The following CDH4 variants were observed in gnomAD, a reference collection of about 807,000 sequenced individuals.
CDH4 encodes the protein cadherin-4.
Under a neutral mutation model 86.0 loss-of-function variants are expected in CDH4, and 33 were observed. That is an observed-to-expected ratio of 0.38 (90% confidence interval 0.29 to 0.51). The LOEUF (loss-of-function observed/expected upper bound fraction) is 0.51, where lower values mean the gene tolerates loss of function less well. Among genes scored for constraint, CDH4 ranks in the 20% least tolerant of loss-of-function variants. The pLI, the probability that CDH4 is intolerant of heterozygous loss-of-function variation, is 0.86. For synonymous variants in CDH4, 555 were observed against 549.4 expected (o/e 1.01, Z -0.14); for missense variants, 1,114 against 1,307.4 (o/e 0.85, Z 2.28).
At chr20:61,731,754 G>A (rs538360520) in intron 2 of CDH4, among the ~76,000 whole-genome samples, 1 of 152,294 alleles carries the variant, frequency 6.6e-6, no homozygotes, top group East Asian at 1.9e-4. Context: ...GTGGCTCGTG[G>A]GGTAGAAGGT....
intron 2 of CDH4, among the ~76,000 whole-genome samples, chr20:61,263,506 G>C (rs886533939): frequency 6.6e-6 from 1 of 152,208 alleles, no homozygotes; most frequent in Non-Finnish European, 1.5e-5. Context: ...ATTTAACGCT[G>C]TCAGGAGACC....
intron 2 of CDH4, among the ~76,000 whole-genome samples, chr20:61,397,960 C>G (rs1448924759): frequency 6.6e-6 from 1 of 152,200 alleles, no homozygotes; most frequent in South Asian, 2.1e-4. Context: ...TTGGCCTGAC[C>G]TGCCCGATGG....
chr20:61,928,616 C>T (rs1240715244), intron 12 of CDH4, among the ~76,000 whole-genome samples, 193 bp downstream of exon 12: 1 of 152,232 alleles, frequency 6.6e-6, no homozygotes, highest in Non-Finnish European at 1.5e-5. Flanking sequence ...AGGAGGCCAC[C>T]AAGTCATTCC....
intron 2 of CDH4, among the ~76,000 whole-genome samples, chr20:61,697,873 C>T (rs1487835172): frequency 6.6e-6 from 1 of 152,238 alleles, no homozygotes; most frequent in Admixed American, 6.5e-5. Flanking sequence ...CTACCCATTC[C>T]CACACCCGGG....
At chr20:61,284,129 A>C (rs1487547528) in intron 2 of CDH4, among the ~76,000 whole-genome samples, 46 of 142,982 alleles carry the variant, frequency 3.2e-4, no homozygotes, top group East Asian at 6.3e-4. Context: ...CACGGTGAAA[A>C]CCCATCTCTA....
chr20:61,694,724 C>A (rs1359966998), intron 2 of CDH4, among the ~76,000 whole-genome samples: 4 of 152,162 alleles, frequency 2.6e-5, no homozygotes, highest in Admixed American at 2.6e-4. Context: ...GATTTCCAGT[C>A]TCCTGCGTGC....
intron 15 of CDH4, among the ~76,000 whole-genome samples, chr20:61,936,154 C>T (rs1382984298): frequency 6.6e-6 from 1 of 151,936 alleles, no homozygotes; most frequent in African/African-American, 2.4e-5. Context: ...ACCCTAGGTC[C>T]ACTTTCCCTC....
chr20:61,556,444 G>A (rs887990595), intron 2 of CDH4, among the ~76,000 whole-genome samples: 3 of 152,158 alleles, frequency 2.0e-5, no homozygotes, highest in Non-Finnish European at 4.4e-5. Flanking sequence ...GTATATCTGG[G>A]TGTTCTGCAC....
intron 2 of CDH4, among the ~76,000 whole-genome samples, chr20:61,405,901 C>T (rs912204952): frequency 3.3e-5 from 5 of 152,202 alleles, no homozygotes; most frequent in Non-Finnish European, 7.4e-5. Flanking sequence ...AAGATGGTCT[C>T]GATCTCCTGA....
Position 61,417,594 on chromosome 20 carries a change from C to A in CDH4, c.169+162657C>A, listed in dbSNP as rs562027865. Among the ~76,000 whole-genome samples the A allele has an allele frequency of 6.6e-6, 1 of 152,336 alleles. No homozygotes were observed. The highest frequency in any genetic ancestry group is 1.5e-5 in the Non-Finnish European group (1 of 68,038). On this transcript the variant is annotated intron_variant, in intron 2 of 15. Coordinates refer to ENST00000614565, the MANE Select transcript of CDH4 (RefSeq NM_001794.5). The surrounding 1 kb of genome is among the most constrained non-coding windows in gnomAD (Gnocchi z 4.0). ...CCTGGCCCTGTTTCTGGCTGGAATG[C>A]ATTTCTGTATCGCTATCTAGCAGGG...
chr20:61,651,808 G>A (rs551636549), intron 2 of CDH4, among the ~76,000 whole-genome samples: 1 of 152,276 alleles, frequency 6.6e-6, no homozygotes, highest in South Asian at 2.1e-4. Flanking sequence ...AAACACAATT[G>A]TTTAAAAAAT....
At chr20:61,268,940 G>A (rs1038350332) in intron 2 of CDH4, among the ~76,000 whole-genome samples, 4 of 152,218 alleles carry the variant, frequency 2.6e-5, no homozygotes, top group South Asian at 2.1e-4. Flanking sequence ...GGCTCTGGAC[G>A]ATTTGTGGGT....
chr20:61,831,653 C>T (rs1451312897), intron 4 of CDH4, among the ~76,000 whole-genome samples: 4 of 152,248 alleles, frequency 2.6e-5, no homozygotes, highest in African/African-American at 9.6e-5. Context: ...CACAGTGCAG[C>T]CTCCTCCCCC....
intron 2 of CDH4, among the ~76,000 whole-genome samples, chr20:61,314,543 A>G (rs1302949560): frequency 6.6e-6 from 1 of 152,212 alleles, no homozygotes; most frequent in Admixed American, 6.5e-5. Flanking sequence ...GGTGGATTCC[A>G]TATCTCAGCT....
At position 61,565,260 on chromosome 20, in the gene CDH4, GTGGTGGTGGTCCTCTT is replaced by G. The variant is rs1388756512; in HGVS notation, c.170-178302_170-178287del. ...GGTGGTGGCGGTGCTCTTGGTGATG[GTGGTGGTGGTCCTCTT>G]GGTGATGGGGTGATGGTGGTGGCGG... On this transcript the variant is annotated intron_variant, in intron 2 of 15. Transcript: ENST00000614565. 5.9e-4 allele frequency among the ~76,000 whole-genome samples: 60 copies of G among 101,790 alleles called. 6 individuals are homozygous for G. The highest frequency in any genetic ancestry group is 9.9e-4 in the Non-Finnish European group (46 of 46,698). The allele number at this position is 101,790 out of a possible 152,430, so 66.8% of individuals were successfully genotyped here.
intron 4 of CDH4, among the ~76,000 whole-genome samples, chr20:61,842,842 C>T (rs1315557608): frequency 1.3e-5 from 2 of 152,116 alleles, no homozygotes; most frequent in African/African-American, 4.8e-5. Context: ...GCTGTAATTC[C>T]ATTTTGATTA....
chr20:61,760,776 T>C (rs1280686436), intron 3 of CDH4, among the ~76,000 whole-genome samples: 1 of 152,176 alleles, frequency 6.6e-6, no homozygotes, highest in Admixed American at 6.5e-5. Flanking sequence ...TTATGAGAGA[T>C]CAGAAGTAAG....
intron 2 of CDH4, among the ~76,000 whole-genome samples, chr20:61,529,061 A>G (rs2085933849): frequency 6.6e-6 from 1 of 152,182 alleles, no homozygotes; most frequent in South Asian, 2.1e-4. Context: ...AATCACAGAG[A>G]TTTTGGGTTT....
At chr20:61,317,769 G>A (rs2084484885) in intron 2 of CDH4, among the ~76,000 whole-genome samples, 1 of 152,198 alleles carries the variant, frequency 6.6e-6, no homozygotes, top group East Asian at 1.9e-4. Context: ...CACGGTTCTA[G>A]ACAAAGGGCA....
Sources: allele counts gnomAD v4.1 joint callset (sites outside exome capture counted in the v4.1 genomes callset), GRCh38; gene constraint gnomAD v4.1.1; non-coding constraint Gnocchi (gnomAD v3.1); transcripts MANE v1.5; gene names NCBI Gene and HGNC (gene_info 2026-07-23, HGNC 2026-07-21).